Variants in KIF7 observed in about 807,000 individuals in gnomAD.
KIF7 encodes the protein kinesin-like protein KIF7.
A neutral mutation model predicts 135.7 loss-of-function variants in KIF7; 104 were observed. The observed-to-expected ratio is 0.77, with a 90% CI of 0.65 to 0.90. The LOEUF (loss-of-function observed/expected upper bound fraction) is 0.90, where lower values mean the gene tolerates loss of function less well. Ranked by LOEUF, KIF7 falls within the 40% of genes least tolerant of loss-of-function variation. KIF7 has a pLI of 0.00. For synonymous variants in KIF7, 883 were observed against 809.4 expected (o/e 1.09, Z -1.54); for missense variants, 2,005 against 1,839.1 (o/e 1.09, Z -1.65).
intron 11 of KIF7, among the ~76,000 whole-genome samples, chr15:89,638,517 C>A (rs866627591): frequency 6.6e-6 from 1 of 151,784 alleles, no homozygotes; most frequent in African/African-American, 2.4e-5. Flanking sequence ...AACAGAGAGC[C>A]AAATCATGAG....
rs147996726 is a variant in KIF7 at position 89,631,486 on chromosome 15, G to T, written c.3111+9C>A. On this transcript the variant is annotated intron_variant, in intron 15 of 18. Coordinates refer to ENST00000394412, the MANE Select transcript of KIF7 (RefSeq NM_198525.3). ...CACCAAGGGGCTGAGCCATGGGGCC[G>T]CAGGGTACCTCGGGGGACAGCAGAC... 705 of 1,561,890 alleles carry T rather than the reference G, an allele frequency of 4.5e-4. 6 individuals are homozygous for T. In the African/African-American group the frequency reaches 8.3e-3, roughly 18 times the overall value.
At chr15:89,663,048 C>CTG in the KIF7 span, among the ~76,000 whole-genome samples, 1 of 152,336 alleles carries the variant, frequency 6.6e-6, no homozygotes, top group East Asian at 1.9e-4. Context: ...CCTCAGGCGG[C>CTG]TGAGGAGGCA....
At chr15:89,629,290 GA>G in intron 17 of KIF7, 84 bp downstream of exon 17, 3 of 1,202,394 alleles carry the variant, frequency 2.5e-6, no homozygotes, top group Non-Finnish European at 2.2e-6. Context: ...GCGGTGGGGG[GA>G]GGGAGGGGGG....
intron 1 of KIF7, chr15:89,621,289 G>A: frequency 8.2e-7 from 1 of 1,212,136 alleles, no homozygotes; most frequent in Non-Finnish European, 1.1e-6. Context: ...CCAAAGTGCT[G>A]GGATTACAGG....
At position 89,645,144 on chromosome 15, in the gene KIF7, C is replaced by T. The variant is rs200123657; in HGVS notation, c.2060G>A (p.Arg687Gln). ...AGGGGGGACCTGGCGGGCCTGAACTCGGGCCTTGCTCCCACCAACTGCTGC... is the reference window on the plus strand; with the variant it reads ...AGGGGGGACCTGGCGGGCCTGAACTTGGGCCTTGCTCCCACCAACTGCTGC... ...GSRAVGGSKA[R>Q]VQARQVPPAT... Residue 687 changes from arginine (R) to glutamine (Q), a missense_variant, in exon 10 of 19, where the codon CGA becomes CAA. Arg to Gln is a conservative substitution (Grantham distance 43, BLOSUM62 1). Coordinates refer to ENST00000394412, the MANE Select transcript of KIF7 (RefSeq NM_198525.3). 4.4e-5 allele frequency: 70 copies of T among 1,604,460 alleles called. No individual in the cohort carries two copies. In the East Asian group the frequency reaches 1.2e-3, roughly 28 times the overall value.
At chr15:89,629,256 G>C in intron 17 of KIF7, 119 bp downstream of exon 17, 1 of 1,205,276 alleles carries the variant, frequency 8.3e-7, no homozygotes, top group Non-Finnish European at 1.1e-6. Flanking sequence ...AGGGCTGTAG[G>C]TGCAGGGGCT....
Position 89,630,389 on chromosome 15 carries a change from G to A in KIF7, c.3216C>T (p.Ala1072=). The A allele has an allele frequency of 5.0e-6, 8 of 1,613,840 alleles. No homozygotes were observed. Among genetic ancestry groups the A allele is most frequent in the Middle Eastern group, 1.6e-4 (1 of 6,062 alleles). ...CGCACTGGGACAGCAACGAGGCTGA[G>A]GCCCGAAGCACCCGCTGGCGGCATG... The part of the protein sequence containing the change: ...AITCRQRVLR[A]SASLLSQCEM... The change falls in exon 16 of 19, where the codon GCC becomes GCT. Residue 1072 remains alanine, a synonymous_variant. Transcript: ENST00000394412.
chr15:89,627,169 C>A (rs1287138193), downstream of KIF7: 3 of 1,546,894 alleles, frequency 1.9e-6, no homozygotes, highest in Admixed American at 1.7e-5. Context: ...TGGTCCCAAG[C>A]CTCTTTTGCC....
At chr15:89,647,419 C>T (rs1964034692) in intron 6 of KIF7, among the ~76,000 whole-genome samples, 177 bp downstream of exon 6, 1 of 152,140 alleles carries the variant, frequency 6.6e-6, no homozygotes, top group Admixed American at 6.5e-5. Flanking sequence ...TCCTGCACAC[C>T]CACCTGCGCT....
At position 89,628,326 on chromosome 15, in the gene KIF7, C is replaced by T. The variant is rs1417005265; in HGVS notation, c.*93G>A. 1.1e-5 allele frequency: 16 copies of T among 1,472,946 alleles called. No homozygotes were observed. The highest frequency in any genetic ancestry group is 4.2e-5 in the African/African-American group (3 of 70,798). The allele number at this position is 1,472,946 out of a possible 1,614,324, so 91.2% of individuals were successfully genotyped here. On this transcript the variant is annotated 3_prime_UTR_variant, in exon 19 of 19. Coordinates refer to ENST00000394412, the MANE Select transcript of KIF7 (RefSeq NM_198525.3). ...GATGAGGGCCTGGATTTAGGGTGTGCGGTAAGGACTGCCCTTCACAGAAGC... is the reference window on the plus strand; with the variant it reads ...GATGAGGGCCTGGATTTAGGGTGTGTGGTAAGGACTGCCCTTCACAGAAGC...
At chr15:89,632,675 G>T in intron 14 of KIF7, 145 bp downstream of exon 14, 2 of 835,302 alleles carry the variant, frequency 2.4e-6, no homozygotes, top group Non-Finnish European at 3.9e-6. Flanking sequence ...TCACCTGGCA[G>T]GTTTATCACT....
chr15:89,656,499 T>C (rs1964208815), upstream of KIF7, among the ~76,000 whole-genome samples: 1 of 152,100 alleles, frequency 6.6e-6, no homozygotes, highest in South Asian at 2.1e-4. Flanking sequence ...AGCTTAGGCC[T>C]GTCCACCCCC....
downstream of KIF7, chr15:89,625,010 C>A (rs1453408106): frequency 6.2e-7 from 1 of 1,614,096 alleles, no homozygotes. Flanking sequence ...GAGATGCAAG[C>A]TTCTGGCCTT....
downstream of KIF7, chr15:89,624,389 C>T (rs780589668): frequency 6.2e-7 from 1 of 1,614,156 alleles, no homozygotes; most frequent in South Asian, 1.1e-5. Context: ...GTTCCCTCAA[C>T]TCCCCCTGAA....
chr15:89,633,922 C>G (rs746511679), intron 11 of KIF7, 39 bp from the exon 12 acceptor site: 20 of 1,608,270 alleles, frequency 1.2e-5, no homozygotes, highest in Non-Finnish European at 1.7e-5. Context: ...ATGCACGGGG[C>G]TACCGCGAGC....
chr15:89,624,914 A>G, downstream of KIF7: 1 of 1,614,118 alleles, frequency 6.2e-7, no homozygotes, highest in Non-Finnish European at 8.5e-7. Context: ...AGACAGTGCC[A>G]GGCTTCGGCA....
chr15:89,617,336 T>A (rs904966714), intron 2 of KIF7, among the ~76,000 whole-genome samples: 1 of 152,188 alleles, frequency 6.6e-6, no homozygotes, highest in Non-Finnish European at 1.5e-5. Context: ...TTTAATTAAA[T>A]TTTTTATAAC....
chr15:89,618,870 G>A (rs888418121), intron 1 of KIF7, among the ~76,000 whole-genome samples: 13 of 152,184 alleles, frequency 8.5e-5, no homozygotes, highest in African/African-American at 1.2e-4. Context: ...GAGGTGAGAG[G>A]ATCTCTTGAG....
At chr15:89,655,109 A>C (rs1175389628) in intron 1 of KIF7, among the ~76,000 whole-genome samples, 1 of 152,208 alleles carries the variant, frequency 6.6e-6, no homozygotes, top group East Asian at 1.9e-4. Context: ...AGTTGGAAGA[A>C]GTGATTACAA....
Sources: gnomAD v4.1 joint callset for allele counts (sites outside exome capture counted in the v4.1 genomes callset) on GRCh38, gnomAD v4.1.1 for gene constraint, MANE v1.5 for transcripts, NCBI Gene and HGNC (gene_info 2026-07-23, HGNC 2026-07-21) for gene names.